Variants in ORC5 observed in about 807,000 individuals in gnomAD.
The protein encoded by ORC5 is protein phosphatase 1, regulatory subunit 117.
A neutral mutation model predicts 58.8 loss-of-function variants in ORC5; 39 were observed. The observed-to-expected ratio is 0.66, with a 90% confidence interval of 0.51 to 0.87. ORC5 has a LOEUF of 0.87. Ranked by LOEUF, ORC5 falls within the 40% of genes least tolerant of loss-of-function variation. The pLI, the probability that ORC5 is intolerant of heterozygous loss-of-function variation, is 0.00. For missense variants in ORC5, 493 were observed against 506.3 expected (o/e 0.97, Z 0.25); for synonymous variants, 218 against 177.6 (o/e 1.23, Z -1.81).
At chr7:104,175,601 G>C (rs1295094403) in intron 8 of ORC5, among the ~76,000 whole-genome samples, 4 of 152,172 alleles carry the variant, frequency 2.6e-5, no homozygotes, top group African/African-American at 9.6e-5. Context: ...TAAAAGAAAA[G>C]AAGAGATCAA....
chr7:104,174,645 C>G (rs565908896), intron 8 of ORC5, among the ~76,000 whole-genome samples: 1 of 152,184 alleles, frequency 6.6e-6, no homozygotes, highest in Non-Finnish European at 1.5e-5. Context: ...TTGGTCACAG[C>G]TGGCACCATG....
rs1799597165 is a variant in ORC5 at position 104,188,364 on chromosome 7, G to A, written c.571C>T (p.Leu191=). ...TACTCTGGAGGATGATCATGGGACA[G>A]GATCTTTTGAAGGTTGCCTGTTCAC... ...DYSIGNLQKI[L]SHDHPPEYSA... is the part of the protein sequence containing the mutation. The change falls in exon 6 of 14, where the codon CTG becomes TTG. Residue 191 remains leucine (L), a synonymous_variant. Coordinates refer to ENST00000297431, the MANE Select transcript of ORC5 (RefSeq NM_002553.4). The A allele has an allele frequency of 6.2e-7, 1 of 1,607,746 alleles. No homozygotes were observed. Among genetic ancestry groups the A allele is most frequent in the Non-Finnish European group, 8.5e-7 (1 of 1,175,032 alleles).
intron 9 of ORC5, 143 bp from the exon 10 acceptor site, chr7:104,167,027 T>C (rs1799119079): frequency 1.7e-6 from 1 of 572,362 alleles, no homozygotes; most frequent in African/African-American, 1.9e-5. Flanking sequence ...GTCATGATAA[T>C]GATGGTCGTG....
At chr7:104,168,674 C>G (rs1246552205) in intron 8 of ORC5, 149 bp from the exon 9 acceptor site, 3 of 450,992 alleles carry the variant, frequency 6.7e-6, no homozygotes, top group Non-Finnish European at 1.2e-5. Context: ...ATGTTTGTAC[C>G]TGTACAAAAT....
intron 5 of ORC5, among the ~76,000 whole-genome samples, chr7:104,194,328 A>T (rs1289434512): frequency 1.3e-5 from 2 of 152,148 alleles, no homozygotes; most frequent in Admixed American, 1.3e-4. Context: ...ACAGCTGATT[A>T]GTTCAGAGGG....
Position 104,136,995 on chromosome 7 carries a change from C to T in ORC5, c.1150-102G>A, listed in dbSNP as rs1251242866. On this transcript the variant is annotated intron_variant, in intron 12 of 13. Coordinates refer to ENST00000297431, the MANE Select transcript of ORC5 (RefSeq NM_002553.4). The surrounding 1 kb of genome is among the most constrained non-coding windows in gnomAD (Gnocchi z 4.2). ...CTGATAAAGATACATAACTGAATCA[C>T]AAAAAACGTCTGCAAAGAAAATGAC... The T allele has an allele frequency of 2.8e-6, 2 of 721,700 alleles. No homozygotes were observed. Among genetic ancestry groups the T allele is most frequent in the Non-Finnish European group, 2.3e-6 (1 of 434,484 alleles). The allele number at this position is 721,700 out of a possible 1,614,324, so 44.7% of individuals were successfully genotyped here. A position where few individuals can be genotyped will look rare whatever the true frequency, so the allele number is the denominator to read the frequency against.
chr7:104,202,042 A>C (rs1199124484), intron 2 of ORC5, among the ~76,000 whole-genome samples: 5 of 152,200 alleles, frequency 3.3e-5, no homozygotes, highest in Non-Finnish European at 7.3e-5. Flanking sequence ...ATGAGCTATG[A>C]TCATAACACT....
In ORC5 at chr7:104,191,007, C is replaced by G. The variant is rs369885662; in HGVS notation, c.554-2626G>C. 6.0e-5 allele frequency among the ~76,000 whole-genome samples: 9 copies of G among 149,178 alleles called. No individual in the cohort carries two copies. In the South Asian group the frequency reaches 8.5e-4, roughly 14 times the overall value. Reference sequence around the variant, plus strand: ...AGCTCTATTAAGGAATATTTAAACACAGAAGTTGACAAAAAAAATTTCAAA... The same window carrying G: ...AGCTCTATTAAGGAATATTTAAACAGAGAAGTTGACAAAAAAAATTTCAAA... On this transcript the variant is annotated intron_variant, in intron 5 of 13. Transcript: ENST00000297431.
chr7:104,183,948 T>C lies in ORC5; in HGVS notation c.819A>G (p.Ile273Met), dbSNP rs1253101069. Reference protein sequence around the residue: ...KAMQTVYLREISSSQWEKLQK... With the variant: ...KAMQTVYLREMSSSQWEKLQK... The stretch of plus-strand genomic sequence containing the variant: ...CATACTAAATAGAAAATTACCTTGA[T>C]ATTTCCCTGAGATAAACAGTCTGCA... The change falls in exon 8 of 14, where the codon ATA becomes ATG. Residue 273 changes from isoleucine (I) to methionine (M), a missense_variant. Ile to Met is a conservative substitution (Grantham distance 10). This residue lies in a region of ORC5 where 412 missense variants were observed against 403.7 expected (regional missense o/e 1.02). Transcript: ENST00000297431. 9 of 1,602,724 alleles carry C rather than the reference T, an allele frequency of 5.6e-6. No homozygotes were observed. The highest frequency in any genetic ancestry group is 7.7e-6 in the Non-Finnish European group (9 of 1,172,024).
intron 3 of ORC5, among the ~76,000 whole-genome samples, chr7:104,198,919 T>C (rs1276525869): frequency 6.6e-6 from 1 of 152,202 alleles, no homozygotes; most frequent in East Asian, 1.9e-4. Flanking sequence ...CACTCATGGC[T>C]AAAAGGGGCC....
Position 104,136,405 on chromosome 7 carries a change from G to C in ORC5, c.1262+376C>G, listed in dbSNP as rs1320486546. On this transcript the variant is annotated intron_variant, in intron 13 of 13. Coordinates refer to ENST00000297431, the MANE Select transcript of ORC5 (RefSeq NM_002553.4). The surrounding 1 kb of genome is among the most constrained non-coding windows in gnomAD (Gnocchi z 4.2). Reference sequence around the variant, plus strand: ...CTATATTTCTATCAGTGTTACCTAAGTCAGGATTTTTAAAGCCTTGTAGTC... The same window carrying C: ...CTATATTTCTATCAGTGTTACCTAACTCAGGATTTTTAAAGCCTTGTAGTC... Among the ~76,000 whole-genome samples, 1 of 151,954 alleles carries C rather than the reference G, an allele frequency of 6.6e-6. No individual in the cohort carries two copies. Among genetic ancestry groups the C allele is most frequent in the Non-Finnish European group, 1.5e-5 (1 of 68,020 alleles).
At chr7:104,164,366 G>A (rs1799072956) in intron 11 of ORC5, among the ~76,000 whole-genome samples, 1 of 152,214 alleles carries the variant, frequency 6.6e-6, no homozygotes, top group Admixed American at 6.5e-5. Context: ...TGAGGCTGCA[G>A]TGAGCCATGA....
At position 104,182,991 on chromosome 7, in the gene ORC5, C is replaced by T. The variant is rs144907717; in HGVS notation, c.824+952G>A. Among the ~76,000 whole-genome samples, 751 of 152,096 alleles carry T rather than the reference C, an allele frequency of 4.9e-3. 2 individuals are homozygous for T. The highest frequency in any genetic ancestry group is 8.5e-3 in the Non-Finnish European group (576 of 67,986). On this transcript the variant is annotated intron_variant, in intron 8 of 13. Coordinates refer to ENST00000297431, the MANE Select transcript of ORC5 (RefSeq NM_002553.4). ...CTCTACTAAAAATACAAAAATTAGT[C>T]GGGCATGGTGGTGCGTGCCTGTAAT...
rs969903833 is a variant in ORC5 at position 104,148,413 on chromosome 7, A to G, written c.1150-11520T>C. Among the ~76,000 whole-genome samples, 4 of 152,306 alleles carry G rather than the reference A, an allele frequency of 2.6e-5. No individual in the cohort carries two copies. In the East Asian group the frequency reaches 7.7e-4, roughly 29 times the overall value. ...CTTGCATTCTACAGTGAAGGCAATAACTATTAGTATGCTGGAAAAGTAAGA... is the reference window on the plus strand; with the variant it reads ...CTTGCATTCTACAGTGAAGGCAATAGCTATTAGTATGCTGGAAAAGTAAGA... On this transcript the variant is annotated intron_variant, in intron 12 of 13. Coordinates refer to ENST00000297431, the MANE Select transcript of ORC5 (RefSeq NM_002553.4).
chr7:104,185,313 AGTTT>A (rs1368510978), intron 6 of ORC5, among the ~76,000 whole-genome samples: 1 of 152,096 alleles, frequency 6.6e-6, no homozygotes, highest in Non-Finnish European at 1.5e-5. Context: ...ATCTATTATT[AGTTT>A]GTTTTATAGA....
intron 12 of ORC5, among the ~76,000 whole-genome samples, chr7:104,155,833 G>A (rs1459860761): frequency 2.0e-5 from 3 of 151,348 alleles, no homozygotes; most frequent in Non-Finnish European, 3.0e-5. Flanking sequence ...AGGAGACATA[G>A]AACTATAAAA....
At position 104,136,922 on chromosome 7, in the gene ORC5, G is replaced by T. The variant is rs2307412; in HGVS notation, c.1150-29C>A. ...AAAGAGAACATTTTTATAAGAAACT[G>T]TTTTAATAAGATTATGTAATACTTT... On this transcript the variant is annotated intron_variant, in intron 12 of 13. Transcript: ENST00000297431. The surrounding 1 kb of genome is among the most constrained non-coding windows in gnomAD (Gnocchi z 4.2). The T allele has an allele frequency of 2.7e-4, 377 of 1,417,294 alleles. 4 individuals carry two copies. The East Asian group carries it at 7.9e-3, about 30-fold the overall frequency. The allele number at this position is 1,417,294 out of a possible 1,614,324, so 87.8% of individuals were successfully genotyped here.
rs1798544992 is a variant in ORC5, at chr7:104,133,545, T to G, written c.1262+3236A>C. ...GAGGTTAGAATTCCTAAGTTCAGTT[T>G]TGGAAATGTATTAATATAGCTGGGA... On this transcript the variant is annotated intron_variant, in intron 13 of 13. Transcript: ENST00000297431. The surrounding 1 kb of genome is among the most constrained non-coding windows in gnomAD (Gnocchi z 4.7). Among the ~76,000 whole-genome samples, 1 of 152,096 alleles carries G rather than the reference T, an allele frequency of 6.6e-6. No homozygotes were observed. Among genetic ancestry groups the G allele is most frequent in the Non-Finnish European group, 1.5e-5 (1 of 68,018 alleles).
At chr7:104,179,882 G>C (rs1007410296) in intron 8 of ORC5, among the ~76,000 whole-genome samples, 3 of 152,106 alleles carry the variant, frequency 2.0e-5, no homozygotes, top group African/African-American at 7.2e-5. Context: ...TCTTGATTGA[G>C]GTGATAACTC....
Sources: allele counts gnomAD v4.1 joint callset (sites outside exome capture counted in the v4.1 genomes callset), GRCh38; gene constraint gnomAD v4.1.1; regional missense constraint gnomAD v4.1.1; non-coding constraint Gnocchi (gnomAD v3.1); transcripts MANE v1.5; gene names NCBI Gene and HGNC (gene_info 2026-07-23, HGNC 2026-07-21).